TYRO3: variants seen among roughly 807,000 people sequenced by gnomAD.
TYRO3 encodes tyrosine-protein kinase receptor TYRO3.
Under a neutral mutation model 95.2 loss-of-function variants are expected in TYRO3, and 38 were observed. The observed-to-expected ratio is 0.40, with a 90% CI of 0.31 to 0.52. The LOEUF (loss-of-function observed/expected upper bound fraction) is 0.52, where lower values mean the gene tolerates loss of function less well. Ranked by LOEUF, TYRO3 falls within the 20% of genes least tolerant of loss-of-function variation. The probability of loss-of-function intolerance (pLI) is 0.56; values close to 1 mark genes in which losing one functional copy is unlikely to be tolerated. For synonymous variants in TYRO3, 367 were observed against 432.9 expected (o/e 0.85, Z 1.89); for missense variants, 812 against 1,116.4 (o/e 0.73, Z 3.89).
Position 41,570,266 on chromosome 15 carries a change from G to C in TYRO3, c.1409G>C (p.Arg470Pro), listed in dbSNP as rs754825265. 3.1e-6 allele frequency: 5 copies of C among 1,613,972 alleles called. No homozygotes were observed. The highest frequency in any genetic ancestry group is 3.4e-6 in the Non-Finnish European group (4 of 1,180,012). ...CAAGCCTTTGACAGTGTCATGGCCC[G>C]GGGAGAGCCAGCCGTTCACTTCCGG... ...FGQAFDSVMARGEPAVHFRAA... is the reference protein window; with the variant it reads ...FGQAFDSVMAPGEPAVHFRAA... The change falls in exon 11 of 19, where the codon CGG (arginine) becomes CCG (proline). Residue 470 changes from arginine (R) to proline (P), a missense_variant. Transcript: ENST00000263798.
In TYRO3 at chr15:41,573,437, C is replaced by T. The variant is rs150084536; in HGVS notation, c.2115C>T (p.Ala705=). 402 of 1,614,076 alleles carry T rather than the reference C, an allele frequency of 2.5e-4. 1 individual carries two copies. The highest frequency in any genetic ancestry group is 3.2e-4 in the Non-Finnish European group (378 of 1,180,028). The change falls in exon 17 of 19, where the codon GCC becomes GCT. Residue 705 remains alanine, a synonymous_variant. Coordinates refer to ENST00000263798, the MANE Select transcript of TYRO3 (RefSeq NM_006293.4). The stretch of plus-strand genomic sequence containing the variant: ...AGTGGCTGGCCCTGGAGAGCCTGGC[C>T]GACAACCTGTATACTGTGCAGAGTG... ...PVKWLALESL[A]DNLYTVQSDV...
intron 3 of TYRO3, 57 bp from the exon 4 acceptor site, chr15:41,562,491 G>A: frequency 6.8e-7 from 1 of 1,475,220 alleles, no homozygotes; most frequent in Non-Finnish European, 9.2e-7. Flanking sequence ...CTTGTGATTT[G>A]TACAGTAGGA....
At chr15:41,559,412 C>CG (rs2052131861) in intron 1 of TYRO3, 31 bp downstream of exon 1, 1 of 151,224 alleles carries the variant, frequency 6.6e-6, no homozygotes, top group Non-Finnish European at 1.5e-5. Flanking sequence ...CGGCGGGAAG[C>CG]GGGGGGCTGC....
At chr15:41,565,186 A>G (rs1363129851) in intron 6 of TYRO3, 45 bp downstream of exon 6, 1 of 1,289,896 alleles carries the variant, frequency 7.8e-7, no homozygotes, top group Non-Finnish European at 1.1e-6. Context: ...CTGCATGGCC[A>G]GCACTTTGTT....
chr15:41,569,344 T>C (rs72739702), intron 9 of TYRO3, among the ~76,000 whole-genome samples: 36,107 of 150,418 alleles, frequency 0.24, 4,778 homozygotes, highest in Middle Eastern at 0.33. Flanking sequence ...GACATATGCC[T>C]GTTAAGCCCA....
rs2055812010 is a variant in TYRO3 at position 41,572,636 on chromosome 15, C to G, written c.1875+72C>G. The G allele has an allele frequency of 2.1e-6, 3 of 1,425,376 alleles. No individual in the cohort carries two copies. The East Asian group carries it at 6.9e-5, about 33-fold the overall frequency. The allele number at this position is 1,425,376 out of a possible 1,614,324, so 88.3% of individuals were successfully genotyped here. On this transcript the variant is annotated intron_variant, in intron 15 of 18. Transcript: ENST00000263798. Reference sequence around the variant, plus strand: ...CAGGGCCTGGAAAGGCATAGAGACCCTGGCAGAGAGGGGCTTGCTGGGTAG... The same window carrying G: ...CAGGGCCTGGAAAGGCATAGAGACCGTGGCAGAGAGGGGCTTGCTGGGTAG...
In TYRO3 at chr15:41,562,541, C is replaced by A; in HGVS notation, c.410-7C>A. 1 of 1,397,768 alleles carries A rather than the reference C, an allele frequency of 7.2e-7. No homozygotes were observed. The highest frequency in any genetic ancestry group is 1.3e-5 in the South Asian group (1 of 79,988). The allele number at this position is 1,397,768 out of a possible 1,614,324, so 86.6% of individuals were successfully genotyped here. A position where few individuals can be genotyped will look rare whatever the true frequency, so the allele number is the denominator to read the frequency against. On this transcript the variant is annotated splice_polypyrimidine_tract_variant and splice_region_variant and intron_variant, in intron 3 of 18. Transcript: ENST00000263798. ...AGGGCTCACTCCTCACTCCCCTTCT[C>A]TCCTAGGTGTGCCATTTTTCACAGT... is the stretch of plus-strand genomic sequence containing the variant.
At chr15:41,564,977 C>A in intron 5 of TYRO3, 49 bp from the exon 6 acceptor site, 1 of 1,286,064 alleles carries the variant, frequency 7.8e-7, no homozygotes, top group Non-Finnish European at 1.1e-6. Flanking sequence ...CCTCCTGCTG[C>A]CTCTGCTCAT....
intron 1 of TYRO3, 83 bp from the exon 2 acceptor site, chr15:41,561,044 G>A (rs1394418138): frequency 7.1e-7 from 1 of 1,401,434 alleles, no homozygotes; most frequent in African/African-American, 1.5e-5. Context: ...TGACACAGAA[G>A]CTACCTTCTA....
chr15:41,568,132 C>T (rs1461739187), intron 7 of TYRO3, 85 bp from the exon 8 acceptor site: 5 of 1,566,074 alleles, frequency 3.2e-6, no homozygotes, highest in East Asian at 4.5e-5. Context: ...CTGTTTAGTT[C>T]TTGGGAGTTG....
intron 18 of TYRO3, among the ~76,000 whole-genome samples, chr15:41,575,654 A>T (rs935439928): frequency 6.6e-6 from 1 of 152,156 alleles, no homozygotes; most frequent in African/African-American, 2.4e-5. Flanking sequence ...GGCTCTTGTC[A>T]TGGGCATAGG....
intron 1 of TYRO3, among the ~76,000 whole-genome samples, chr15:41,560,393 A>ATGTGTGTGTGTGTGTG (rs369495054): frequency 0.012 from 1,444 of 120,256 alleles, 9 homozygotes; most frequent in South Asian, 0.017. Context: ...AGGTGCGTGT[A>ATGTGTGTGTGTGTGTG]TGTGTGTGTG....
At chr15:41,568,487 C>T in intron 8 of TYRO3, 125 bp downstream of exon 8, 1 of 960,296 alleles carries the variant, frequency 1.0e-6, no homozygotes, top group Non-Finnish European at 1.5e-6. Context: ...CCAGGGAATC[C>T]TTTCCTCCTC....
At chr15:41,574,211 T>C (rs1273823869) in intron 18 of TYRO3, among the ~76,000 whole-genome samples, 1 of 152,180 alleles carries the variant, frequency 6.6e-6, no homozygotes, top group Non-Finnish European at 1.5e-5. Flanking sequence ...ATACAACCTT[T>C]GTCCTGGAGA....
In TYRO3 at chr15:41,574,118, G is replaced by T. The variant is rs539967896; in HGVS notation, c.2282+303G>T. Among the ~76,000 whole-genome samples, 9 of 152,256 alleles carry T rather than the reference G, an allele frequency of 5.9e-5. No homozygotes were observed. In the South Asian group the frequency reaches 1.7e-3, roughly 28 times the overall value. On this transcript the variant is annotated intron_variant, in intron 18 of 18. Coordinates refer to ENST00000263798, the MANE Select transcript of TYRO3 (RefSeq NM_006293.4). Reference sequence around the variant, plus strand: ...ACAGTGCTGAGTAACAGTGTGGGAGGTTTCCCTGCCATCTTCCCACCCGTC... The same window carrying T: ...ACAGTGCTGAGTAACAGTGTGGGAGTTTTCCCTGCCATCTTCCCACCCGTC...
rs760763490 is a variant in TYRO3 at position 41,570,245 on chromosome 15, C to T, written c.1388C>T (p.Ala463Val). ...AATCCTGGGTTTTCCTTTAGGCAAGCCTTTGACAGTGTCATGGCCCGGGGA... is the reference window on the plus strand; with the variant it reads ...AATCCTGGGTTTTCCTTTAGGCAAGTCTTTGACAGTGTCATGGCCCGGGGA... ...KRRKETRFGQ[A>V]FDSVMARGEP... Residue 463 changes from alanine (A) to valine (V), a missense_variant, in exon 11 of 19, where the codon GCC becomes GTC. Coordinates refer to ENST00000263798, the MANE Select transcript of TYRO3 (RefSeq NM_006293.4). 5 of 1,613,436 alleles carry T rather than the reference C, an allele frequency of 3.1e-6. No homozygotes were observed. The highest frequency in any genetic ancestry group is 1.3e-5 in the African/African-American group (1 of 74,958).
Position 41,568,312 on chromosome 15 carries a change from G to T in TYRO3, c.1057G>T (p.Gly353Cys), listed in dbSNP as rs150035019. The change falls in exon 8 of 19, where the codon GGC (glycine) becomes TGC (cysteine). Residue 353 changes from glycine to cysteine, a missense_variant. Gly to Cys is a radical substitution (Grantham distance 159). Coordinates refer to ENST00000263798, the MANE Select transcript of TYRO3 (RefSeq NM_006293.4). Reference sequence around the variant, plus strand: ...AGTGATCCCCGAGGCCCCTTTGGAAGGCCCCCTGGGACCCTACAAACTGTC... The same window carrying T: ...AGTGATCCCCGAGGCCCCTTTGGAATGCCCCCTGGGACCCTACAAACTGTC... ...EEVIPEAPLEGPLGPYKLSWV... is the reference protein window; with the variant it reads ...EEVIPEAPLECPLGPYKLSWV... 1.9e-6 allele frequency: 3 copies of T among 1,614,080 alleles called. No homozygotes were observed. The highest frequency in any genetic ancestry group is 2.5e-6 in the Non-Finnish European group (3 of 1,180,006).
At chr15:41,564,054 C>T (rs1366596617) in intron 4 of TYRO3, 130 bp from the exon 5 acceptor site, 16 of 835,704 alleles carry the variant, frequency 1.9e-5, no homozygotes. Context: ...CCGTACCTCA[C>T]TGCCCAGCCC....
chr15:41,573,360 A>T lies in TYRO3; in HGVS notation c.2038A>T (p.Ile680Phe). Residue 680 changes from isoleucine to phenylalanine, a missense_variant, in exon 17 of 19, where the codon ATC (isoleucine) becomes TTC (phenylalanine). Coordinates refer to ENST00000263798, the MANE Select transcript of TYRO3 (RefSeq NM_006293.4). The part of the protein sequence containing the change: ...CVADFGLSRK[I>F]YSGDYYRQGC... Reference sequence around the variant, plus strand: ...GGCTGACTTCGGACTCTCCCGGAAGATCTACAGTGGGGACTACTATCGTCA... The same window carrying T: ...GGCTGACTTCGGACTCTCCCGGAAGTTCTACAGTGGGGACTACTATCGTCA... The T allele has an allele frequency of 1.2e-6, 2 of 1,614,230 alleles. No individual in the cohort carries two copies. Among genetic ancestry groups the T allele is most frequent in the Non-Finnish European group, 1.7e-6 (2 of 1,180,044 alleles).
Sources: gnomAD v4.1 joint callset for allele counts (sites outside exome capture counted in the v4.1 genomes callset) on GRCh38, gnomAD v4.1.1 for gene constraint, MANE v1.5 for transcripts, NCBI Gene and HGNC (gene_info 2026-07-23, HGNC 2026-07-21) for gene names.